ATG2B: variants seen among roughly 807,000 people sequenced by gnomAD.
ATG2B encodes autophagy related 2B, also known as autophagy-related protein 2 homolog B.
Under a neutral mutation model 241.3 loss-of-function variants are expected in ATG2B, and 121 were observed. The observed-to-expected ratio is 0.50, with a 90% CI of 0.43 to 0.58. The LOEUF (loss-of-function observed/expected upper bound fraction) is 0.58, where lower values mean the gene tolerates loss of function less well. ATG2B is among the 20% of genes least tolerant of loss of function. The pLI is 0.00. For missense variants in ATG2B, 2,306 were observed against 2,491.6 expected (o/e 0.93, Z 1.59); for synonymous variants, 858 against 876.6 (o/e 0.98, Z 0.37).
Position 96,333,763 on chromosome 14 carries a change from C to G in ATG2B, c.1132G>C (p.Asp378His), listed in dbSNP as rs767508954. Residue 378 changes from aspartate to histidine, a missense_variant, in exon 8 of 42, where the codon GAT (aspartate) becomes CAT (histidine). Asp to His is a moderately conservative substitution (Grantham distance 81). This residue lies in a region of ATG2B where 1,927 missense variants were observed against 2,011.2 expected (regional missense o/e 0.96). Transcript: ENST00000359933. ...GAAGATACACCCACAGAGAGGGAAT[C>G]TTTTCTCAAATAATACCGGTTTAAT... ...MELNRYYLRK[D>H]SLSVGVSSEQ... 6.2e-7 allele frequency: 1 copy of G among 1,613,944 alleles called. No homozygotes were observed. Among genetic ancestry groups the G allele is most frequent in the South Asian group, 1.1e-5 (1 of 91,074 alleles).
chr14:96,332,679 C>T, intron 8 of ATG2B, 24 bp from the exon 9 acceptor site: 1 of 1,516,606 alleles, frequency 6.6e-7, no homozygotes, highest in Non-Finnish European at 8.8e-7. Context: ...AACTATGTCA[C>T]TTGTATTATA....
At chr14:96,344,182 T>G (rs568914751) in intron 4 of ATG2B, among the ~76,000 whole-genome samples, 2 of 152,250 alleles carry the variant, frequency 1.3e-5, no homozygotes, top group Non-Finnish European at 2.9e-5. Context: ...AAGTAAATAT[T>G]GCACATATTA....
At chr14:96,323,475 G>A (rs1024849190) in intron 16 of ATG2B, among the ~76,000 whole-genome samples, 2 of 152,192 alleles carry the variant, frequency 1.3e-5, no homozygotes, top group African/African-American at 4.8e-5. Flanking sequence ...TATTCCCTAG[G>A]TAGTGGTGTT....
chr14:96,321,932 T>G (rs1264478834), intron 18 of ATG2B, among the ~76,000 whole-genome samples, 180 bp downstream of exon 18: 3 of 152,020 alleles, frequency 2.0e-5, no homozygotes, highest in Non-Finnish European at 4.4e-5. Flanking sequence ...CCACGCTAGT[T>G]AGGAAACTCT....
At position 96,283,357 on chromosome 14, in the gene ATG2B, C is replaced by G. The variant is rs1364212878; in HGVS notation, c.*2398G>C. The G allele has an allele frequency of 6.6e-6, 1 of 152,280 alleles. No individual in the cohort carries two copies. The highest frequency in any genetic ancestry group is 1.5e-5 in the Non-Finnish European group (1 of 68,138). 9.4% of individuals were successfully genotyped at this position (152,280 alleles called of 1,614,324 possible). On this transcript the variant is annotated 3_prime_UTR_variant, in exon 42 of 42. Transcript: ENST00000359933. ...TCAGAAAAGTATTGCTCTGAGAGAT[C>G]TGAGATCTAAGGTGGCCCCTGGCTG...
intron 17 of ATG2B, 35 bp from the exon 18 acceptor site, chr14:96,322,289 A>G: frequency 6.4e-7 from 1 of 1,567,962 alleles, no homozygotes; most frequent in South Asian, 1.2e-5. Context: ...AAAAAAAGGC[A>G]TCCATGTTTA....
At chr14:96,354,371 C>A (rs1888416949) in intron 1 of ATG2B, among the ~76,000 whole-genome samples, 1 of 152,152 alleles carries the variant, frequency 6.6e-6, no homozygotes, top group Non-Finnish European at 1.5e-5. Flanking sequence ...TGAGAACATG[C>A]AGTATTTGGT....
At chr14:96,320,609 A>G (rs551435909) in intron 18 of ATG2B, among the ~76,000 whole-genome samples, 59 of 152,346 alleles carry the variant, frequency 3.9e-4, no homozygotes, top group African/African-American at 1.4e-3. Flanking sequence ...TCCTGTATTT[A>G]GAAATGAAGT....
intron 27 of ATG2B, 68 bp from the exon 28 acceptor site, chr14:96,311,355 A>G: frequency 7.0e-7 from 1 of 1,423,898 alleles, no homozygotes; most frequent in Non-Finnish European, 9.6e-7. Context: ...TTTTTTGCAT[A>G]GATTTACATT....
Position 96,322,637 on chromosome 14 carries a change from T to A in ATG2B, c.2639A>T (p.Glu880Val), listed in dbSNP as rs1249960791. 1 of 1,613,842 alleles carries A rather than the reference T, an allele frequency of 6.2e-7. No homozygotes were observed. The highest frequency in any genetic ancestry group is 8.5e-7 in the Non-Finnish European group (1 of 1,179,872). The change falls in exon 17 of 42, where the codon GAG becomes GTG. Residue 880 changes from glutamate to valine, a missense_variant. This residue lies in a region of ATG2B where 1,927 missense variants were observed against 2,011.2 expected (regional missense o/e 0.96). Coordinates refer to ENST00000359933, the MANE Select transcript of ATG2B (RefSeq NM_018036.7). ...EENDGHYQEE[E>V]EGGAHSLKDV... The stretch of plus-strand genomic sequence containing the variant: ...TTTCAAGGAATGAGCACCTCCTTCC[T>A]CTTCCTCCTGGTAGTGACCATCATT...
chr14:96,318,527 C>T (rs1887376410), intron 18 of ATG2B, among the ~76,000 whole-genome samples: 2 of 152,072 alleles, frequency 1.3e-5, no homozygotes, highest in South Asian at 4.1e-4. Flanking sequence ...TGATTTTTCT[C>T]TCATCAGCAA....
In ATG2B at chr14:96,285,530, G is replaced by A. The variant is rs966216694; in HGVS notation, c.*225C>T. 3.6e-6 allele frequency: 2 copies of A among 554,412 alleles called. No homozygotes were observed. Among genetic ancestry groups the A allele is most frequent in the African/African-American group, 3.8e-5 (2 of 53,024 alleles). The allele number at this position is 554,412 out of a possible 1,614,324, so 34.3% of individuals were successfully genotyped here. ...ACTAACTTGGCAGCAAATGCTTTAA[G>A]GACCTTTGACACCAGCCACCAAACA... On this transcript the variant is annotated 3_prime_UTR_variant, in exon 42 of 42. Coordinates refer to ENST00000359933, the MANE Select transcript of ATG2B (RefSeq NM_018036.7). The surrounding 1 kb of genome is among the most constrained non-coding windows in gnomAD (Gnocchi z 4.2).
chr14:96,301,368 G>A (rs111884996), intron 34 of ATG2B, among the ~76,000 whole-genome samples: 1,596 of 152,194 alleles, frequency 0.01, 25 homozygotes, highest in African/African-American at 0.036. Context: ...CATGCTTCTC[G>A]CCATTCTATT....
At chr14:96,314,997 GTT>G (rs111485964) in intron 23 of ATG2B, among the ~76,000 whole-genome samples, 155 bp downstream of exon 23, 13 of 152,292 alleles carry the variant, frequency 8.5e-5, no homozygotes, top group African/African-American at 3.1e-4. Context: ...GGCCAATACT[GTT>G]CTATTTCTTA....
Position 96,316,547 on chromosome 14 carries a change from C to T in ATG2B, c.3347G>A (p.Ser1116Asn). 6.2e-7 allele frequency: 1 copy of T among 1,613,566 alleles called. No individual in the cohort carries two copies. Among genetic ancestry groups the T allele is most frequent in the Non-Finnish European group, 8.5e-7 (1 of 1,179,808 alleles). The change falls in exon 21 of 42, where the codon AGT (serine) becomes AAT (asparagine). Residue 1116 changes from serine to asparagine, a missense_variant. Transcript: ENST00000359933. ...HYICLHSSSF[S>N]LYHKGIVNGV... is the part of the protein sequence containing the mutation. ...GTTTGTCCTACCTTTATGGTACAGA[C>T]TGAAACTGCTAGAATGAAGGCAAAT...
chr14:96,334,483 T>C lies in ATG2B; in HGVS notation c.943A>G (p.Ile315Val), dbSNP rs1887819919. 6 of 1,603,672 alleles carry C rather than the reference T, an allele frequency of 3.7e-6. No homozygotes were observed. Among genetic ancestry groups the C allele is most frequent in the South Asian group, 3.4e-5 (3 of 88,478 alleles). Reference sequence around the variant, plus strand: ...GACAGGAGTAGATGAATAGAGTCTATCTGTCCATCAACATCCAACTTAAGG... The same window carrying C: ...GACAGGAGTAGATGAATAGAGTCTACCTGTCCATCAACATCCAACTTAAGG... ...PGAKLDVDGQ[I>V]DSIHLLLSPR... The change falls in exon 7 of 42, where the codon ATA becomes GTA. Residue 315 changes from isoleucine to valine, a missense_variant. Ile to Val is a conservative substitution (Grantham distance 29). Transcript: ENST00000359933.
rs35630598 is a variant in ATG2B, at chr14:96,360,933, C to CAAAAAA, written c.162+1876_162+1881dup. 3.4e-4 allele frequency among the ~76,000 whole-genome samples: 25 copies of CAAAAAA among 73,646 alleles called. No individual in the cohort carries two copies. In the East Asian group the frequency reaches 4.6e-3, roughly 14 times the overall value. 48.3% of individuals were successfully genotyped at this position (73,646 alleles called of 152,430 possible). On this transcript the variant is annotated intron_variant, in intron 1 of 41. Coordinates refer to ENST00000359933, the MANE Select transcript of ATG2B (RefSeq NM_018036.7). ...CAAAGCAAGAGAATGAATCCTCTAC[C>CAAAAAA]AAAAAAAAAAAAAAAAAAAAATCAA...
intron 33 of ATG2B, 107 bp downstream of exon 33, chr14:96,302,954 G>C: frequency 1.2e-6 from 1 of 837,924 alleles, no homozygotes; most frequent in Non-Finnish European, 1.7e-6. Context: ...ACATTAAAAT[G>C]AGAAAAGATA....
At position 96,317,843 on chromosome 14, in the gene ATG2B, G is replaced by A; in HGVS notation, c.2892C>T (p.Asp964=). Residue 964 remains aspartate (D), a synonymous_variant, in exon 19 of 42, where the codon GAC becomes GAT. Transcript: ENST00000359933. The stretch of plus-strand genomic sequence containing the variant: ...GAGCTGTTGGTTCCCACAGTAGCAA[G>A]TCATTAAAGATCCTATAAAGACAAA... ...YEKLYNRIFN[D]LLLWEPTAPS... 2 of 1,606,124 alleles carry A rather than the reference G, an allele frequency of 1.2e-6. No individual in the cohort carries two copies. The highest frequency in any genetic ancestry group is 4.5e-5 in the East Asian group (2 of 44,758).
Sources: allele counts gnomAD v4.1 joint callset (sites outside exome capture counted in the v4.1 genomes callset), GRCh38; gene constraint gnomAD v4.1.1; regional missense constraint gnomAD v4.1.1; non-coding constraint Gnocchi (gnomAD v3.1); transcripts MANE v1.5; gene names NCBI Gene and HGNC (gene_info 2026-07-23, HGNC 2026-07-21).